The following TF variants were observed in gnomAD, a reference collection of about 807,000 sequenced individuals.
TF encodes transferrin, also known as serotransferrin.
TF carries 55 observed loss-of-function variants against 82.4 expected under a neutral mutation model. That is an observed-to-expected ratio of 0.67 (90% CI 0.54 to 0.84). TF has a LOEUF of 0.84. Ranked by LOEUF, TF falls within the 40% of genes least tolerant of loss-of-function variation. The probability of loss-of-function intolerance (pLI) is 0.00; values close to 1 mark genes in which losing one functional copy is unlikely to be tolerated. For missense variants in TF, 737 were observed against 868.4 expected, an observed-to-expected ratio of 0.85 and a Z score of 1.90; for synonymous variants, 332 against 332.6, an observed-to-expected ratio of 1.00 and a Z score of 0.02.
upstream of TF, chr3:133,746,313 C>A: frequency 8.8e-7 from 1 of 1,130,742 alleles, no homozygotes; most frequent in South Asian, 1.3e-5. Flanking sequence ...CCCGGCTGCA[C>A]AAACACGGGA....
the TF span, among the ~76,000 whole-genome samples, chr3:133,694,060 C>T: frequency 1.3e-5 from 2 of 152,218 alleles, no homozygotes; most frequent in African/African-American, 2.4e-5. Flanking sequence ...CAGCAGGCTG[C>T]ACTGGCTGGC....
the TF span, among the ~76,000 whole-genome samples, chr3:133,700,584 G>T: frequency 6.6e-6 from 1 of 152,188 alleles, no homozygotes; most frequent in African/African-American, 2.4e-5. Context: ...GCTTGAGGGT[G>T]AGGCAGCCTT....
At chr3:133,687,675 A>G in the TF span, among the ~76,000 whole-genome samples, 3 of 152,208 alleles carry the variant, frequency 2.0e-5, no homozygotes, top group Non-Finnish European at 4.4e-5. Flanking sequence ...AAATGGAATC[A>G]TATCATGGGT....
At chr3:133,770,233 A>G (rs1576365811) in intron 13 of TF, among the ~76,000 whole-genome samples, 1 of 152,330 alleles carries the variant, frequency 6.6e-6, no homozygotes, top group South Asian at 2.1e-4. Flanking sequence ...TCAATTCCCT[A>G]CTATCCTTGT....
At chr3:133,757,995 G>T (rs777423780) in intron 8 of TF, 49 bp downstream of exon 8, 40 of 1,592,370 alleles carry the variant, frequency 2.5e-5, no homozygotes, top group Non-Finnish European at 3.4e-5. Flanking sequence ...GGGAAACCTG[G>T]TGAGCACAGG....
intron 8 of TF, 84 bp downstream of exon 8, chr3:133,758,030 G>C (rs1166119927): frequency 7.5e-7 from 1 of 1,339,276 alleles, no homozygotes; most frequent in East Asian, 2.4e-5. Context: ...TCTTTTCAGG[G>C]ACCTGCACGC....
the TF span, among the ~76,000 whole-genome samples, chr3:133,669,767 A>G: frequency 6.6e-6 from 1 of 152,214 alleles, no homozygotes; most frequent in Admixed American, 6.5e-5. Context: ...TTGCTGCCAG[A>G]TGGGCTTTAT....
At position 133,784,099 on chromosome 3, in the gene TF, A is replaced by C. The variant is rs1311996441; in HGVS notation, c.*5479A>C. ...GCAATGTCCCAAGTGGACGACACCC[A>C]CCTAGTCCCGAGGACAACCGACAAA... is the stretch of plus-strand genomic sequence containing the variant. On this transcript the variant is annotated 3_prime_UTR_variant, in exon 17 of 17. Transcript: ENST00000402696. 6.6e-6 allele frequency: 1 copy of C among 152,322 alleles called. No homozygotes were observed. The highest frequency in any genetic ancestry group is 1.5e-5 in the Non-Finnish European group (1 of 68,136). The allele number at this position is 152,322 out of a possible 1,614,324, so 9.4% of individuals were successfully genotyped here.
At chr3:133,750,020 C>T (rs1463385777) in intron 2 of TF, among the ~76,000 whole-genome samples, 1 of 152,232 alleles carries the variant, frequency 6.6e-6, no homozygotes, top group Non-Finnish European at 1.5e-5. Flanking sequence ...GACTGCGAGA[C>T]AGACACTCTA....
At chr3:133,727,117 A>C in the TF span, among the ~76,000 whole-genome samples, 3 of 152,296 alleles carry the variant, frequency 2.0e-5, no homozygotes, top group South Asian at 6.2e-4. Context: ...GGTGCTGAAA[A>C]AAATGTATAT....
chr3:133,689,680 T>C, the TF span, among the ~76,000 whole-genome samples: 7 of 152,146 alleles, frequency 4.6e-5, no homozygotes, highest in African/African-American at 1.7e-4. Context: ...TACTGGCACA[T>C]ATATAGAAGA....
chr3:133,695,713 A>G, the TF span, among the ~76,000 whole-genome samples: 1 of 152,302 alleles, frequency 6.6e-6, no homozygotes, highest in Non-Finnish European at 1.5e-5. Context: ...GTATCACTTT[A>G]ACACAGTTGG....
the TF span, among the ~76,000 whole-genome samples, chr3:133,725,564 A>G: frequency 2.1e-4 from 32 of 152,090 alleles, 1 homozygote; most frequent in South Asian, 1.9e-3. Flanking sequence ...GGGCTGAGAC[A>G]ATGGGGTTTT....
chr3:133,679,664 GGTA>G, the TF span, among the ~76,000 whole-genome samples: 1 of 134,358 alleles, frequency 7.4e-6, no homozygotes, highest in Non-Finnish European at 1.5e-5. Flanking sequence ...TTTATTATTG[GGTA>G]GTACTCTATT....
chr3:133,743,178 T>A (rs1017978624), upstream of TF, among the ~76,000 whole-genome samples: 1 of 152,158 alleles, frequency 6.6e-6, no homozygotes, highest in Non-Finnish European at 1.5e-5. Flanking sequence ...AATGACCACA[T>A]GTGATAAATG....
the TF span, among the ~76,000 whole-genome samples, chr3:133,684,345 C>G: frequency 8.4e-4 from 128 of 152,190 alleles, no homozygotes; most frequent in African/African-American, 3.0e-3. Context: ...CAAGAAATAA[C>G]TAAGATCAGA....
rs1934069893 is a variant in TF, at chr3:133,764,283, G to A, written c.1297+8G>A. ...TGGCAGAAAACTACAATAGTAAGTG[G>A]TGGGGAGCACCTCTCTGTGTTTTCT... On this transcript the variant is annotated splice_region_variant and intron_variant, in intron 10 of 16. Coordinates refer to ENST00000402696, the MANE Select transcript of TF (RefSeq NM_001063.4). 6.2e-7 allele frequency: 1 copy of A among 1,610,188 alleles called. No homozygotes were observed. Among genetic ancestry groups the A allele is most frequent in the Non-Finnish European group, 8.5e-7 (1 of 1,176,444 alleles).
At chr3:133,734,844 G>A in the TF span, among the ~76,000 whole-genome samples, 2 of 151,128 alleles carry the variant, frequency 1.3e-5, no homozygotes, top group Non-Finnish European at 2.9e-5. Context: ...ATCACACCAT[G>A]AGAACACAGA....
At chr3:133,669,651 A>G in the TF span, among the ~76,000 whole-genome samples, 1 of 152,336 alleles carries the variant, frequency 6.6e-6, no homozygotes, top group Non-Finnish European at 1.5e-5. Flanking sequence ...CAATCTTGGA[A>G]GCCATGTGTT....
Sources: gnomAD v4.1 joint callset for allele counts (sites outside exome capture counted in the v4.1 genomes callset) on GRCh38, gnomAD v4.1.1 for gene constraint, MANE v1.5 for transcripts, NCBI Gene and HGNC (gene_info 2026-07-23, HGNC 2026-07-21) for gene names.